Variants in WDR70 observed in about 807,000 individuals in gnomAD.
WDR70 encodes the protein WD repeat domain 70.
A neutral mutation model predicts 88.6 loss-of-function variants in WDR70; 53 were observed. The ratio of observed to expected loss-of-function variants is 0.60; its 90% CI spans 0.48 to 0.75. The LOEUF is 0.75. WDR70 is among the 30% of genes least tolerant of loss of function. The pLI is 0.00. For synonymous variants in WDR70, 280 were observed against 270.0 expected, an observed-to-expected ratio of 1.04 and a Z score of -0.36; for missense variants, 610 against 823.2, an observed-to-expected ratio of 0.74 and a Z score of 3.17.
intron 3 of WDR70, among the ~76,000 whole-genome samples, chr5:37,386,200 G>A (rs1424616858): frequency 6.6e-6 from 1 of 152,006 alleles, no homozygotes; most frequent in African/African-American, 2.4e-5. Context: ...TGCTATCTGA[G>A]GCATTTACAA....
At chr5:37,678,089 T>C (rs908506458) in intron 10 of WDR70, among the ~76,000 whole-genome samples, 2 of 152,180 alleles carry the variant, frequency 1.3e-5, no homozygotes, top group African/African-American at 4.8e-5. Flanking sequence ...GCTTGGTAGA[T>C]CTTCCTCCAT....
At chr5:37,493,407 C>T (rs1016340239) in intron 8 of WDR70, among the ~76,000 whole-genome samples, 4 of 152,216 alleles carry the variant, frequency 2.6e-5, no homozygotes, top group Admixed American at 1.3e-4. Flanking sequence ...GGAGATTGCA[C>T]ATAGGGTCTA....
intron 7 of WDR70, among the ~76,000 whole-genome samples, chr5:37,446,356 C>T (rs1013537855): frequency 6.6e-6 from 1 of 152,126 alleles, no homozygotes; most frequent in Non-Finnish European, 1.5e-5. Flanking sequence ...TGAAAATGGC[C>T]ATACTGCCCA....
chr5:37,439,592 A>G (rs1025703760), intron 6 of WDR70, among the ~76,000 whole-genome samples: 5 of 150,242 alleles, frequency 3.3e-5, no homozygotes, highest in South Asian at 2.1e-4. Context: ...TTGAAAATCA[A>G]TTAGAGTGTC....
intron 13 of WDR70, among the ~76,000 whole-genome samples, chr5:37,704,317 G>C (rs1009067117): frequency 1.3e-5 from 2 of 152,166 alleles, no homozygotes; most frequent in Non-Finnish European, 2.9e-5. Flanking sequence ...GAAATAAGCT[G>C]TGTTCTACTA....
chr5:37,597,075 A>G (rs1743724521), intron 9 of WDR70, among the ~76,000 whole-genome samples: 1 of 152,176 alleles, frequency 6.6e-6, no homozygotes, highest in Non-Finnish European at 1.5e-5. Context: ...TGGATGTACT[A>G]CTTTATTTAG....
intron 13 of WDR70, among the ~76,000 whole-genome samples, chr5:37,706,659 C>T (rs1349219918): frequency 6.6e-6 from 1 of 151,700 alleles, no homozygotes; most frequent in Non-Finnish European, 1.5e-5. Flanking sequence ...AACCTCTTTC[C>T]TTTATAAATA....
chr5:37,704,324 A>G (rs1269215352), intron 13 of WDR70, among the ~76,000 whole-genome samples: 1 of 152,238 alleles, frequency 6.6e-6, no homozygotes, highest in African/African-American at 2.4e-5. Context: ...GCTGTGTTCT[A>G]CTATGCCTCT....
intron 10 of WDR70, among the ~76,000 whole-genome samples, chr5:37,619,402 A>G (rs1249021555): frequency 1.3e-5 from 2 of 152,168 alleles, no homozygotes; most frequent in African/African-American, 4.8e-5. Context: ...TAAAAAGCCT[A>G]TATAAGGGAT....
chr5:37,690,776 C>G (rs59378089), intron 10 of WDR70, among the ~76,000 whole-genome samples: 1 of 151,990 alleles, frequency 6.6e-6, no homozygotes. Flanking sequence ...TAAAGACCAT[C>G]GATGCTATGA....
chr5:37,650,964 A>ATTT (rs56209225), intron 10 of WDR70, among the ~76,000 whole-genome samples: 23 of 146,742 alleles, frequency 1.6e-4, no homozygotes, highest in African/African-American at 5.0e-4. Context: ...AATGGGCTTC[A>ATTT]TTTTTTTTTT....
chr5:37,438,109 T>G (rs1750534184), intron 6 of WDR70, 128 bp downstream of exon 6: 1 of 641,628 alleles, frequency 1.6e-6, no homozygotes. Flanking sequence ...CTATAGACAT[T>G]AAGGAAAAAT....
At chr5:37,720,983 A>G (rs1356239939) in intron 13 of WDR70, 132 bp from the exon 14 acceptor site, 2 of 742,236 alleles carry the variant, frequency 2.7e-6, no homozygotes, top group East Asian at 2.5e-5. Context: ...GGTTTAAAAG[A>G]AAATGTCTGA....
rs1006685100 is a variant in WDR70 at position 37,448,140 on chromosome 5, C to T, written c.686+4768C>T. On this transcript the variant is annotated intron_variant, in intron 7 of 17. Coordinates refer to ENST00000265107, the MANE Select transcript of WDR70 (RefSeq NM_018034.4). ...TTTCTTTTTTGAGTATCAGTATTTA[C>T]GATTTTTAAATTTTCATGTTTCAGT... is the stretch of plus-strand genomic sequence containing the variant. Among the ~76,000 whole-genome samples the T allele has an allele frequency of 8.5e-5, 13 of 152,162 alleles. No individual in the cohort carries two copies. In the East Asian group the frequency reaches 2.3e-3, roughly 27 times the overall value.
intron 10 of WDR70, among the ~76,000 whole-genome samples, chr5:37,635,723 C>T (rs1744944353): frequency 6.6e-6 from 1 of 152,130 alleles, no homozygotes; most frequent in African/African-American, 2.4e-5. Flanking sequence ...CCTGATTGAG[C>T]TCACTCTGGA....
At chr5:37,481,205 G>A (rs1054481026) in intron 8 of WDR70, among the ~76,000 whole-genome samples, 1 of 152,198 alleles carries the variant, frequency 6.6e-6, no homozygotes, top group Admixed American at 6.5e-5. Flanking sequence ...TACCATTCTG[G>A]GGTCTGGAGG....
At chr5:37,561,962 A>T (rs945563635) in intron 9 of WDR70, among the ~76,000 whole-genome samples, 1 of 152,252 alleles carries the variant, frequency 6.6e-6, no homozygotes, top group Non-Finnish European at 1.5e-5. Flanking sequence ...GAGGTATTCC[A>T]TGATGCTGTC....
chr5:37,565,385 CT>C (rs1011540703), intron 9 of WDR70, among the ~76,000 whole-genome samples: 1 of 151,916 alleles, frequency 6.6e-6, no homozygotes, highest in African/African-American at 2.4e-5. Context: ...TCCCTTTTTT[CT>C]TCTCTTCTTT....
Position 37,563,234 on chromosome 5 carries a change from T to G in WDR70, c.918-41830T>G, listed in dbSNP as rs1164849799. On this transcript the variant is annotated intron_variant, in intron 9 of 17. Transcript: ENST00000265107. ...CTGGCCGGGCAGAGGGGCTCCTCAC[T>G]TCCCAGTAGGGGCGGCCAGGCAGAG... Among the ~76,000 whole-genome samples, 3 of 62,202 alleles carry G rather than the reference T, an allele frequency of 4.8e-5. 1 individual carries two copies. The highest frequency in any genetic ancestry group is 1.4e-4 in the African/African-American group (3 of 21,540). The allele number at this position is 62,202 out of a possible 152,430, so 40.8% of individuals were successfully genotyped here. A position where few individuals can be genotyped will look rare whatever the true frequency, so the allele number is the denominator to read the frequency against.
Sources: allele counts gnomAD v4.1 joint callset (sites outside exome capture counted in the v4.1 genomes callset), GRCh38; gene constraint gnomAD v4.1.1; transcripts MANE v1.5; gene names NCBI Gene and HGNC (gene_info 2026-07-23, HGNC 2026-07-21).